Variants in STON1 observed in about 807,000 individuals in gnomAD.
The protein encoded by STON1 is stonin-1.
Under a neutral mutation model 60.9 loss-of-function variants are expected in STON1, and 79 were observed. The ratio of observed to expected loss-of-function variants is 1.30; its 90% CI spans 1.08 to 1.56. The LOEUF is 1.56. Among genes scored for constraint, STON1 ranks in the 40% most tolerant of loss-of-function variants. The pLI is 0.00. For missense variants in STON1, 1,166 were observed against 858.9 expected (o/e 1.36, Z -4.47); for synonymous variants, 363 against 306.9 (o/e 1.18, Z -1.91).
intron 1 of STON1, among the ~76,000 whole-genome samples, chr2:48,543,421 G>C (rs1177651380): frequency 6.6e-6 from 1 of 151,158 alleles, no homozygotes; most frequent in Non-Finnish European, 1.5e-5. Flanking sequence ...TAGCTATGTT[G>C]TTACTTAAGA....
At chr2:48,571,214 A>C (rs1673194052) in intron 1 of STON1, among the ~76,000 whole-genome samples, 2 of 152,130 alleles carry the variant, frequency 1.3e-5, no homozygotes. Flanking sequence ...TTCCAGATTG[A>C]AAGTAGACCT....
chr2:48,540,033 G>A (rs917551517), intron 1 of STON1, among the ~76,000 whole-genome samples: 4 of 152,070 alleles, frequency 2.6e-5, no homozygotes, highest in Admixed American at 1.3e-4. Flanking sequence ...GCCCCAGCTC[G>A]CAGGTATTTA....
At chr2:48,549,323 G>C (rs1671994658) in intron 1 of STON1, among the ~76,000 whole-genome samples, 1 of 152,192 alleles carries the variant, frequency 6.6e-6, no homozygotes, top group South Asian at 2.1e-4. Context: ...ACCCGCAGGA[G>C]CCTCCTTTTG....
chr2:48,584,363 G>A (rs911667555), intron 2 of STON1, among the ~76,000 whole-genome samples: 1 of 152,008 alleles, frequency 6.6e-6, no homozygotes, highest in Admixed American at 6.5e-5. Flanking sequence ...TGCCTCCCAG[G>A]TTCAAGTGAT....
chr2:48,580,466 A>G, intron 1 of STON1, 121 bp from the exon 2 acceptor site: 1 of 1,047,572 alleles, frequency 9.5e-7, no homozygotes. Context: ...TTTTTTTTTA[A>G]TCCACTTAGC....
In STON1 at chr2:48,550,044, T is replaced by C. The variant is rs141095300; in HGVS notation, c.-48+19828T>C. Among the ~76,000 whole-genome samples, 211 of 151,752 alleles carry C rather than the reference T, an allele frequency of 1.4e-3. 1 individual carries two copies. The highest frequency in any genetic ancestry group is 4.9e-3 in the African/African-American group (202 of 41,372). On this transcript the variant is annotated intron_variant, in intron 1 of 3. Coordinates refer to ENST00000404752, the MANE Select transcript of STON1 (RefSeq NM_006873.4). The stretch of plus-strand genomic sequence containing the variant: ...AGCAGGGCAGTGGCCCCCTGGGCAG[T>C]GAGGTGACTTCTGGGATCTAGTAGA...
In STON1 at chr2:48,581,574, G is replaced by T. The variant is rs201931157; in HGVS notation, c.941G>T (p.Gly314Val). The T allele has an allele frequency of 6.2e-7, 1 of 1,614,180 alleles. No homozygotes were observed. Among genetic ancestry groups the T allele is most frequent in the Non-Finnish European group, 8.5e-7 (1 of 1,180,040 alleles). Residue 314 changes from glycine to valine, a missense_variant, in exon 2 of 4, where the codon GGA (glycine) becomes GTA (valine). Coordinates refer to ENST00000404752, the MANE Select transcript of STON1 (RefSeq NM_006873.4). ...ATTTTGCAGATGTATTATGAACAGG[G>T]ATTAGAAAAACCATTTAAAGAGATA... ...GGILQMYYEQ[G>V]LEKPFKEIQL... is the part of the protein sequence containing the mutation.
In STON1 at chr2:48,542,903, C is replaced by CA. The variant is rs995289787; in HGVS notation, c.-48+12697dup. On this transcript the variant is annotated intron_variant, in intron 1 of 3. Transcript: ENST00000404752. ...TGGACAACAGAGTGAGACTCTGTCT[C>CA]AAAAAAAAAAGAAGGTCTAATCAGA... is the stretch of plus-strand genomic sequence containing the variant. 1.1e-3 allele frequency among the ~76,000 whole-genome samples: 133 copies of CA among 120,928 alleles called. No individual in the cohort carries two copies. In the East Asian group the frequency reaches 0.021, roughly 19 times the overall value. 79.3% of individuals were successfully genotyped at this position (120,928 alleles called of 152,430 possible).
At chr2:48,550,667 A>C (rs1331710927) in intron 1 of STON1, among the ~76,000 whole-genome samples, 1 of 151,378 alleles carries the variant, frequency 6.6e-6, no homozygotes, top group Non-Finnish European at 1.5e-5. Flanking sequence ...TTTATGAATT[A>C]GGAAACTGAG....
intron 1 of STON1, among the ~76,000 whole-genome samples, chr2:48,563,991 G>A (rs541347860): frequency 2.0e-5 from 3 of 151,890 alleles, no homozygotes; most frequent in African/African-American, 2.4e-5. Flanking sequence ...GAGCCACCAC[G>A]CCTGCCCTCC....
chr2:48,572,024 ATGG>A (rs1558617955), intron 1 of STON1, among the ~76,000 whole-genome samples: 1 of 152,004 alleles, frequency 6.6e-6, no homozygotes, highest in Non-Finnish European at 1.5e-5. Flanking sequence ...TTAGCCTGGC[ATGG>A]TGGTGGGCGC....
intron 1 of STON1, among the ~76,000 whole-genome samples, chr2:48,578,581 C>CTTT (rs59933765): frequency 6.5e-5 from 3 of 46,152 alleles, no homozygotes; most frequent in Admixed American, 4.0e-4. Flanking sequence ...CTCCTCCTTC[C>CTTT]TTTTTTTTTT....
chr2:48,537,743 G>C (rs931724249), intron 1 of STON1, among the ~76,000 whole-genome samples: 1 of 151,546 alleles, frequency 6.6e-6, no homozygotes, highest in Non-Finnish European at 1.5e-5. Flanking sequence ...CCAGCTACTC[G>C]GGAGGCTGAG....
At chr2:48,544,499 G>A (rs1022875110) in intron 1 of STON1, among the ~76,000 whole-genome samples, 1 of 152,082 alleles carries the variant, frequency 6.6e-6, no homozygotes, top group African/African-American at 2.4e-5. Flanking sequence ...GGGACAGTTT[G>A]GAGGGATGAT....
intron 1 of STON1, 59 bp from the exon 2 acceptor site, chr2:48,580,528 T>TA: frequency 7.7e-7 from 1 of 1,292,372 alleles, no homozygotes; most frequent in Non-Finnish European, 9.9e-7. Flanking sequence ...AGACATTTAG[T>TA]AATGATTCCC....
At chr2:48,592,796 A>G (rs1338838443) in intron 3 of STON1, among the ~76,000 whole-genome samples, 3 of 151,734 alleles carry the variant, frequency 2.0e-5, no homozygotes, top group African/African-American at 7.3e-5. Context: ...AAATTTTTAA[A>G]TAGAGATGGG....
chr2:48,533,901 C>G (rs1347119753), intron 1 of STON1, among the ~76,000 whole-genome samples: 1 of 151,570 alleles, frequency 6.6e-6, no homozygotes, highest in African/African-American at 2.4e-5. Context: ...ACCCGAGTAC[C>G]TGGGATTACA....
rs11475306 is a variant in STON1, at chr2:48,554,707, ATTTTTT to A, written c.-48+24504_-48+24509del. ...TTTCTACTCAAACTTTAAGTGCAAA[ATTTTTT>A]TTTTTTTTTTTTATTTATTTATTTA... On this transcript the variant is annotated intron_variant, in intron 1 of 3. Transcript: ENST00000404752. 9.0e-5 allele frequency among the ~76,000 whole-genome samples: 8 copies of A among 88,802 alleles called. 1 individual carries two copies. The highest frequency in any genetic ancestry group is 2.3e-4 in the African/African-American group (5 of 21,570). 58.3% of individuals were successfully genotyped at this position (88,802 alleles called of 152,430 possible).
chr2:48,555,502 G>T (rs1214756546), intron 1 of STON1, among the ~76,000 whole-genome samples: 5 of 85,062 alleles, frequency 5.9e-5, no homozygotes, highest in African/African-American at 2.4e-4. Context: ...GTGGGGGGCT[G>T]ACCCCCCCAC....
Sources: gnomAD v4.1 joint callset for allele counts (sites outside exome capture counted in the v4.1 genomes callset) on GRCh38, gnomAD v4.1.1 for gene constraint, MANE v1.5 for transcripts, NCBI Gene and HGNC (gene_info 2026-07-23, HGNC 2026-07-21) for gene names.